MLLT10: variants seen among roughly 807,000 people sequenced by gnomAD.
The protein encoded by MLLT10 is MLLT10 histone lysine methyltransferase DOT1L cofactor, also known as protein AF-10.
A neutral mutation model predicts 129.1 loss-of-function variants in MLLT10; 30 were observed. The ratio of observed to expected loss-of-function variants is 0.23; its 90% CI spans 0.17 to 0.32. The LOEUF (loss-of-function observed/expected upper bound fraction) is 0.32, where lower values mean the gene tolerates loss of function less well. MLLT10 is among the 10% of genes least tolerant of loss of function. The probability of loss-of-function intolerance (pLI) is 1.00; values close to 1 mark genes in which losing one functional copy is unlikely to be tolerated. For synonymous variants in MLLT10, 490 were observed against 446.4 expected, an observed-to-expected ratio of 1.10 and a Z score of -1.23; for missense variants, 1,119 against 1,268.3, an observed-to-expected ratio of 0.88 and a Z score of 1.79.
intron 10 of MLLT10, among the ~76,000 whole-genome samples, chr10:21,673,078 C>A (rs1290795347): frequency 6.6e-6 from 1 of 152,016 alleles, no homozygotes; most frequent in African/African-American, 2.4e-5. Context: ...TAAAGCGCAT[C>A]TTATATCTTA....
At chr10:21,597,896 GT>G (rs1417815193) in intron 5 of MLLT10, among the ~76,000 whole-genome samples, 1 of 152,134 alleles carries the variant, frequency 6.6e-6, no homozygotes, top group African/African-American at 2.4e-5. Flanking sequence ...CATAATTTCA[GT>G]TTTTCCTTGA....
At chr10:21,736,067 C>G (rs1174458781) in intron 21 of MLLT10, among the ~76,000 whole-genome samples, 2 of 151,886 alleles carry the variant, frequency 1.3e-5, no homozygotes, top group African/African-American at 4.8e-5. Flanking sequence ...CCATTTTTTT[C>G]AGGATTAAGA....
At chr10:21,665,711 G>A (rs1489979898) in intron 9 of MLLT10, among the ~76,000 whole-genome samples, 2 of 152,042 alleles carry the variant, frequency 1.3e-5, no homozygotes, top group Non-Finnish European at 2.9e-5. Context: ...CTGAGTGGTT[G>A]TATTTTATTA....
Position 21,742,099 on chromosome 10 carries a change from C to A in MLLT10, c.*116C>A. The A allele has an allele frequency of 1.1e-6, 1 of 879,274 alleles. No individual in the cohort carries two copies. The highest frequency in any genetic ancestry group is 1.8e-6 in the Non-Finnish European group (1 of 555,524). The allele number at this position is 879,274 out of a possible 1,614,324, so 54.5% of individuals were successfully genotyped here. On this transcript the variant is annotated 3_prime_UTR_variant, in exon 23 of 23. Coordinates refer to ENST00000307729, the MANE Select transcript of MLLT10 (RefSeq NM_001195626.3). ...ACGCAACAAGAAACTCAATGCACAACAAAGGATTAATTGCTGCAAGGACAT... is the reference window on the plus strand; with the variant it reads ...ACGCAACAAGAAACTCAATGCACAAAAAAGGATTAATTGCTGCAAGGACAT...
chr10:21,737,396 A>G (rs1420848051), intron 21 of MLLT10, among the ~76,000 whole-genome samples: 1 of 152,168 alleles, frequency 6.6e-6, no homozygotes, highest in Non-Finnish European at 1.5e-5. Context: ...GTTTCGACTC[A>G]TTTTGAATGT....
intron 9 of MLLT10, among the ~76,000 whole-genome samples, chr10:21,657,989 T>C (rs1399404966): frequency 3.9e-5 from 6 of 152,198 alleles, no homozygotes; most frequent in Non-Finnish European, 8.8e-5. Context: ...TGTCACTTTA[T>C]CTCTCTGTTC....
Position 21,538,920 on chromosome 10 carries a change from C to G in MLLT10, c.240+8C>G, listed in dbSNP as rs751089905. The stretch of plus-strand genomic sequence containing the variant: ...GAGAGAGCAGCCAGAGTGGTAAGGA[C>G]TATTTATCAAAAACATTAAACTTTA... On this transcript the variant is annotated splice_region_variant and intron_variant, in intron 3 of 22. Transcript: ENST00000307729. 3.1e-6 allele frequency: 5 copies of G among 1,604,816 alleles called. No homozygotes were observed. In the African/African-American group the frequency reaches 4.0e-5, roughly 13 times the overall value.
At chr10:21,626,104 G>A (rs551587714) in intron 8 of MLLT10, 3 of 1,608,564 alleles carry the variant, frequency 1.9e-6, no homozygotes, top group Admixed American at 3.3e-5. Flanking sequence ...CTTGCACCTA[G>A]CTCCCCTGTT....
chr10:21,635,100 C>T (rs1037799986), intron 8 of MLLT10, among the ~76,000 whole-genome samples: 2 of 152,138 alleles, frequency 1.3e-5, no homozygotes, highest in Admixed American at 6.5e-5. Context: ...TTACTGTGTA[C>T]CCCATGCGCT....
At chr10:21,534,935 C>G in intron 2 of MLLT10, 131 bp downstream of exon 2, 1 of 473,270 alleles carries the variant, frequency 2.1e-6, no homozygotes, top group Non-Finnish European at 2.8e-6. Flanking sequence ...GGGTCCGCGG[C>G]GGGGCGCGGG....
chr10:21,674,504 G>A (rs2051863139), intron 11 of MLLT10, among the ~76,000 whole-genome samples: 1 of 152,076 alleles, frequency 6.6e-6, no homozygotes, highest in Non-Finnish European at 1.5e-5. Flanking sequence ...TATACTTCAT[G>A]ATTTTACCAT....
rs953376937 is a variant in MLLT10 at position 21,633,993 on chromosome 10, A to T, written c.699+16786A>T. 2.6e-5 allele frequency among the ~76,000 whole-genome samples: 4 copies of T among 152,276 alleles called. No homozygotes were observed. In the East Asian group the frequency reaches 7.7e-4, roughly 29 times the overall value. ...TCCTTTAATCTAAAATAGTCCCAGC[A>T]CTTTGGGAAGCCAAGGTGGGTGGAT... On this transcript the variant is annotated intron_variant, in intron 8 of 22. Transcript: ENST00000307729.
At chr10:21,720,954 G>A (rs2057089513) in intron 14 of MLLT10, among the ~76,000 whole-genome samples, 1 of 152,086 alleles carries the variant, frequency 6.6e-6, no homozygotes, top group Non-Finnish European at 1.5e-5. Context: ...AGGACAGAGA[G>A]GTTTAATAAT....
intron 3 of MLLT10, among the ~76,000 whole-genome samples, chr10:21,582,847 C>T (rs2041615899): frequency 6.6e-6 from 1 of 152,108 alleles, no homozygotes; most frequent in African/African-American, 2.4e-5. Flanking sequence ...GCAGGAAGAG[C>T]AGATTTTGTC....
At chr10:21,593,143 G>A (rs1052192043) in intron 4 of MLLT10, among the ~76,000 whole-genome samples, 4 of 149,474 alleles carry the variant, frequency 2.7e-5, no homozygotes, top group African/African-American at 9.9e-5. Context: ...CACCCAGGCT[G>A]GATTGCAGTG....
chr10:21,667,521 T>G (rs1040797839), intron 9 of MLLT10, among the ~76,000 whole-genome samples: 3 of 147,986 alleles, frequency 2.0e-5, no homozygotes, highest in Non-Finnish European at 3.0e-5. Context: ...CAGCTCACTG[T>G]TTTTTTTTTA....
At chr10:21,668,515 A>T (rs72794879) in intron 9 of MLLT10, among the ~76,000 whole-genome samples, 4 of 152,164 alleles carry the variant, frequency 2.6e-5, no homozygotes, top group Non-Finnish European at 5.9e-5. Context: ...GTTAACATCT[A>T]AAGCTAAAAT....
Position 21,742,240 on chromosome 10 carries a change from A to T in MLLT10, c.*257A>T. 1 of 391,386 alleles carries T rather than the reference A, an allele frequency of 2.6e-6. No individual in the cohort carries two copies. Among genetic ancestry groups the T allele is most frequent in the East Asian group, 3.8e-5 (1 of 26,630 alleles). 24.2% of individuals were successfully genotyped at this position (391,386 alleles called of 1,614,324 possible). A position where few individuals can be genotyped will look rare whatever the true frequency, so the allele number is the denominator to read the frequency against. ...TGGAAAGAAAATTTAATAACTTTTT[A>T]AAGTGACATAATTTACATGCAATAT... On this transcript the variant is annotated 3_prime_UTR_variant, in exon 23 of 23. Coordinates refer to ENST00000307729, the MANE Select transcript of MLLT10 (RefSeq NM_001195626.3).
chr10:21,696,857 G>A (rs1361075852), intron 13 of MLLT10, among the ~76,000 whole-genome samples: 5 of 151,912 alleles, frequency 3.3e-5, no homozygotes, highest in Non-Finnish European at 7.4e-5. Context: ...TCAGGGCGTC[G>A]TCCACACTGT....
Sources: allele counts gnomAD v4.1 joint callset (sites outside exome capture counted in the v4.1 genomes callset), GRCh38; gene constraint gnomAD v4.1.1; transcripts MANE v1.5; gene names NCBI Gene and HGNC (gene_info 2026-07-23, HGNC 2026-07-21).